The following KRT75 variants were observed in gnomAD, a reference collection of about 807,000 sequenced individuals.
KRT75 encodes keratin, type II cytoskeletal 75.
Under a neutral mutation model 48.8 loss-of-function variants are expected in KRT75, and 35 were observed. That is an observed-to-expected ratio of 0.72 (90% CI 0.55 to 0.95). KRT75 has a LOEUF of 0.95. Ranked by LOEUF, KRT75 falls within the 40% of genes least tolerant of loss-of-function variation. The probability of loss-of-function intolerance (pLI) is 0.00; values close to 1 mark genes in which losing one functional copy is unlikely to be tolerated. For synonymous variants in KRT75, 301 were observed against 282.3 expected (o/e 1.07, Z -0.66); for missense variants, 776 against 709.9 (o/e 1.09, Z -1.06).
chr12:52,431,641 G>A lies in KRT75; in HGVS notation c.775-3C>T. On this transcript the variant is annotated splice_region_variant and splice_polypyrimidine_tract_variant and intron_variant, in intron 3 of 8. Transcript: ENST00000252245. ...TTCATATAGGCAGCATCTACGTCCT[G>A]GAATGACAGCGCAGGATGCTCCTTT... 2.5e-6 allele frequency: 4 copies of A among 1,607,134 alleles called. No homozygotes were observed. The highest frequency in any genetic ancestry group is 3.4e-6 in the Non-Finnish European group (4 of 1,173,626).
rs759027778 is a variant in KRT75 at position 52,431,529 on chromosome 12, T to C, written c.870+14A>G. The stretch of plus-strand genomic sequence containing the variant: ...CCAGACCTAGGAGAGACAGAAATAC[T>C]TGCAGACTCTTACTGCATCAAAGAC... On this transcript the variant is annotated intron_variant, in intron 4 of 8. Transcript: ENST00000252245. 1.3e-6 allele frequency: 2 copies of C among 1,562,664 alleles called. No individual in the cohort carries two copies. Among genetic ancestry groups the C allele is most frequent in the Non-Finnish European group, 8.8e-7 (1 of 1,133,010 alleles).
intron 3 of KRT75, 31 bp from the exon 4 acceptor site, chr12:52,431,669 G>A: frequency 6.8e-7 from 1 of 1,462,944 alleles, no homozygotes. Context: ...GCTCCTTTGA[G>A]TCTGCAGCCC....
intron 2 of KRT75, among the ~76,000 whole-genome samples, chr12:52,432,358 A>G (rs1940155949): frequency 6.6e-6 from 1 of 152,232 alleles, no homozygotes; most frequent in African/African-American, 2.4e-5. Flanking sequence ...ATGCTAATCT[A>G]AAATGTTTTT....
At position 52,424,510 on chromosome 12, in the gene KRT75, G is replaced by A. The variant is rs1286717571; in HGVS notation, c.*7C>T. 3.1e-6 allele frequency: 5 copies of A among 1,612,712 alleles called. No homozygotes were observed. The highest frequency in any genetic ancestry group is 2.5e-6 in the Non-Finnish European group (3 of 1,178,830). On this transcript the variant is annotated 3_prime_UTR_variant, in exon 9 of 9. Transcript: ENST00000252245. ...CAAGGCAGGGTAGAGGGAGCCATGG[G>A]GCTCTCTTAGTGCGTGTAGCTCTTC...
chr12:52,432,947 T>C (rs1032869391), intron 2 of KRT75, 91 bp downstream of exon 2: 12 of 1,300,068 alleles, frequency 9.2e-6, no homozygotes, highest in Non-Finnish European at 1.3e-5. Context: ...TCCCGGCTGA[T>C]ATCGGCATTT....
chr12:52,430,588 T>C lies in KRT75; in HGVS notation c.988A>G (p.Ile330Val). The C allele has an allele frequency of 6.2e-7, 1 of 1,614,168 alleles. No homozygotes were observed. Among genetic ancestry groups the C allele is most frequent in the Non-Finnish European group, 8.5e-7 (1 of 1,180,034 alleles). The change falls in exon 5 of 9, where the codon ATT (isoleucine) becomes GTT (valine). Residue 330 changes from isoleucine (I) to valine (V), a missense_variant. By Grantham distance (29) the Ile-to-Val change is conservative. Transcript: ENST00000252245. Reference sequence around the variant, plus strand: ...GCCTCGGCCCGGCTGCGGTTGGCAATGTCCTCGTATTGTGCTTTGACCTCG... The same window carrying C: ...GCCTCGGCCCGGCTGCGGTTGGCAACGTCCTCGTATTGTGCTTTGACCTCG... ...IAEVKAQYED[I>V]ANRSRAEAES...
In KRT75 at chr12:52,426,723, A is replaced by C. The variant is rs1458951579; in HGVS notation, c.1417+94T>G. 3.1e-6 allele frequency: 4 copies of C among 1,270,370 alleles called. No individual in the cohort carries two copies. The African/African-American group carries it at 5.9e-5, about 19-fold the overall frequency. 78.7% of individuals were successfully genotyped at this position (1,270,370 alleles called of 1,614,324 possible). On this transcript the variant is annotated intron_variant, in intron 8 of 8. Transcript: ENST00000252245. Reference sequence around the variant, plus strand: ...AACGCTGTCTGTGAGATCCCGTCTAACCCGTCATATCTTCACCCTCTGGCA... The same window carrying C: ...AACGCTGTCTGTGAGATCCCGTCTACCCCGTCATATCTTCACCCTCTGGCA...
At chr12:52,431,837 C>T (rs1029156564) in intron 3 of KRT75, among the ~76,000 whole-genome samples, 169 bp downstream of exon 3, 1 of 152,156 alleles carries the variant, frequency 6.6e-6, no homozygotes, top group Admixed American at 6.5e-5. Context: ...CCAAGTAGGG[C>T]TAATGGGGCC....
rs774534005 is a variant in KRT75, at chr12:52,430,616, G to A, written c.960C>T (p.Ile320=). Reference sequence around the variant, plus strand: ...CCTCGTATTGTGCTTTGACCTCGGCGATGATACTATCCAGGTCCAGGTTGC... The same window carrying A: ...CCTCGTATTGTGCTTTGACCTCGGCAATGATACTATCCAGGTCCAGGTTGC... ...NNRNLDLDSI[I]AEVKAQYEDI... The change falls in exon 5 of 9, where the codon ATC becomes ATT. Residue 320 remains isoleucine (I), a synonymous_variant. Transcript: ENST00000252245. The A allele has an allele frequency of 5.2e-5, 84 of 1,614,172 alleles. No homozygotes were observed. Among genetic ancestry groups the A allele is most frequent in the Middle Eastern group, 1.6e-4 (1 of 6,062 alleles).
At chr12:52,428,089 A>G in intron 7 of KRT75, 167 bp downstream of exon 7, 1 of 862,472 alleles carries the variant, frequency 1.2e-6, no homozygotes, top group South Asian at 1.6e-5. Flanking sequence ...CAAATGATTT[A>G]CTAGCCTGGA....
At chr12:52,428,180 C>T (rs948726053) in intron 7 of KRT75, 76 bp downstream of exon 7, 57 of 1,567,552 alleles carry the variant, frequency 3.6e-5, no homozygotes, top group Non-Finnish European at 4.6e-5. Flanking sequence ...TGCAACAGCC[C>T]GAGCCCCTAG....
In KRT75 at chr12:52,433,883, G is replaced by A; in HGVS notation, c.422C>T (p.Thr141Ile). The A allele has an allele frequency of 6.2e-7, 1 of 1,614,212 alleles. No individual in the cohort carries two copies. Residue 141 changes from threonine to isoleucine, a missense_variant, in exon 1 of 9, where the codon ACC becomes ATC. Physicochemically the swap from Thr to Ile is moderately conservative, Grantham distance 89. Transcript: ENST00000252245. Reference protein sequence around the residue: ...LTPLHLQIDPTIQRVRAEERE... With the variant: ...LTPLHLQIDPIIQRVRAEERE... ...CTCCTCGGCCCGCACCCGCTGGATG[G>A]TGGGGTCGATTTGCAGGTGAAGAGG...
intron 7 of KRT75, among the ~76,000 whole-genome samples, chr12:52,427,576 A>G (rs1940090064): frequency 1.3e-5 from 2 of 152,234 alleles, no homozygotes; most frequent in African/African-American, 2.4e-5. Flanking sequence ...ACCAAAGCCT[A>G]TGTCTTTGGC....
At chr12:52,430,344 T>G (rs1940126942) in intron 5 of KRT75, among the ~76,000 whole-genome samples, 197 bp downstream of exon 5, 1 of 152,104 alleles carries the variant, frequency 6.6e-6, no homozygotes, top group South Asian at 2.1e-4. Flanking sequence ...CTCCCAGCAT[T>G]GGGCTGACCA....
intron 7 of KRT75, among the ~76,000 whole-genome samples, chr12:52,427,063 T>C (rs1224062438): frequency 1.3e-5 from 2 of 152,204 alleles, no homozygotes; most frequent in African/African-American, 4.8e-5. Flanking sequence ...GAGTTTGAGG[T>C]TCACAGGAGC....
intron 1 of KRT75, 68 bp downstream of exon 1, chr12:52,433,739 C>G: frequency 6.2e-7 from 1 of 1,608,594 alleles, no homozygotes; most frequent in Non-Finnish European, 8.5e-7. Flanking sequence ...GCTCTCCCCC[C>G]ATGGGATGGC....
intron 7 of KRT75, 101 bp from the exon 8 acceptor site, chr12:52,426,952 A>G: frequency 2.0e-6 from 2 of 977,076 alleles, no homozygotes; most frequent in East Asian, 2.5e-5. Context: ...GCATTTAAAC[A>G]TACTTTATTA....
At chr12:52,428,580 G>C in intron 6 of KRT75, 38 bp downstream of exon 6, 2 of 1,614,160 alleles carry the variant, frequency 1.2e-6, no homozygotes, top group African/African-American at 2.7e-5. Flanking sequence ...CAGAAGAAAT[G>C]AGCATTTGAG....
intron 5 of KRT75, 115 bp from the exon 6 acceptor site, chr12:52,428,858 A>G (rs1226266857): frequency 8.0e-7 from 1 of 1,257,486 alleles, no homozygotes; most frequent in Non-Finnish European, 1.2e-6. Context: ...CTGGTCATTC[A>G]CTCATTCCCC....
Sources: gnomAD v4.1 joint callset for allele counts (sites outside exome capture counted in the v4.1 genomes callset) on GRCh38, gnomAD v4.1.1 for gene constraint, MANE v1.5 for transcripts, NCBI Gene and HGNC (gene_info 2026-07-23, HGNC 2026-07-21) for gene names.